ITCH: variants seen among roughly 807,000 people sequenced by gnomAD.
ITCH encodes the protein itchy E3 ubiquitin protein ligase, also known as E3 ubiquitin-protein ligase Itchy homolog.
A neutral mutation model predicts 126.8 loss-of-function variants in ITCH; 28 were observed. That is an observed-to-expected ratio of 0.22 (90% confidence interval 0.16 to 0.30). The LOEUF (loss-of-function observed/expected upper bound fraction) is 0.30, where lower values mean the gene tolerates loss of function less well. ITCH is among the 10% of genes least tolerant of loss of function. ITCH has a pLI of 1.00. For synonymous variants in ITCH, 342 were observed against 340.0 expected, an observed-to-expected ratio of 1.01 and a Z score of -0.06; for missense variants, 631 against 1,032.4, an observed-to-expected ratio of 0.61 and a Z score of 5.33.
intron 23 of ITCH, among the ~76,000 whole-genome samples, chr20:34,501,546 C>T (rs1030621856): frequency 1.2e-4 from 18 of 152,054 alleles, no homozygotes; most frequent in East Asian, 1.9e-4. Context: ...GAGGCTGAGG[C>T]GGGCGGATCA....
chr20:34,408,017 C>A (rs1422708533), intron 3 of ITCH, among the ~76,000 whole-genome samples: 1 of 152,144 alleles, frequency 6.6e-6, no homozygotes, highest in African/African-American at 2.4e-5. Context: ...TCTTAAACAC[C>A]TAGGCTCAAG....
In ITCH at chr20:34,438,615, C is replaced by T; in HGVS notation, c.663C>T (p.Pro221=). 1.9e-6 allele frequency: 3 copies of T among 1,613,980 alleles called. No homozygotes were observed. Among genetic ancestry groups the T allele is most frequent in the Non-Finnish European group, 2.5e-6 (3 of 1,180,008 alleles). The stretch of plus-strand genomic sequence containing the variant: ...CAAGACCTTCACGACCACCACCACC[C>T]ACCCCACGTAGACCAGGTTTGTATT... ...RPPRPSRPPP[P]TPRRPASVNG... is the part of the protein sequence containing the mutation. Residue 221 remains proline (P), a synonymous_variant, in exon 8 of 25, where the codon CCC becomes CCT. Coordinates refer to ENST00000374864, the MANE Select transcript of ITCH (RefSeq NM_031483.7).
intron 2 of ITCH, among the ~76,000 whole-genome samples, chr20:34,385,020 ATTTTT>A (rs972288487): frequency 7.2e-6 from 1 of 137,970 alleles, no homozygotes; most frequent in East Asian, 2.2e-4. Context: ...AAACAAGAAA[ATTTTT>A]TTTTTTTAAG....
Position 34,440,202 on chromosome 20 carries a change from A to G in ITCH, c.727A>G (p.Ser243Gly), listed in dbSNP as rs372508275. The G allele has an allele frequency of 4.2e-5, 67 of 1,613,712 alleles. No individual in the cohort carries two copies. The highest frequency in any genetic ancestry group is 5.7e-5 in the Non-Finnish European group (67 of 1,179,698). Residue 243 changes from serine (S) to glycine (G), a missense_variant, in exon 9 of 25, where the codon AGT becomes GGT. Ser to Gly is a moderately conservative substitution (Grantham distance 56). Around this residue, in one of 4 missense-constraint regions of ITCH, gnomAD observed 220 missense variants for 265.7 expected, o/e 0.83. Coordinates refer to ENST00000374864, the MANE Select transcript of ITCH (RefSeq NM_031483.7). ...TGCCACTTCTGAAAGTGATGGGTCTAGTACAGGCTCTCTGCCGCCGACAAA... is the reference window on the plus strand; with the variant it reads ...TGCCACTTCTGAAAGTGATGGGTCTGGTACAGGCTCTCTGCCGCCGACAAA... ...PSATSESDGS[S>G]TGSLPPTNTN...
intron 20 of ITCH, among the ~76,000 whole-genome samples, chr20:34,487,123 T>C (rs1445430356): frequency 6.7e-6 from 1 of 149,880 alleles, no homozygotes; most frequent in Admixed American, 6.7e-5. Context: ...GTCATTCTCC[T>C]GCCTCAGCCT....
At chr20:34,364,319 G>A (rs12624640) in intron 1 of ITCH, among the ~76,000 whole-genome samples, 47,134 of 151,946 alleles carry the variant, frequency 0.31, 9,140 homozygotes, top group Non-Finnish European at 0.43. Flanking sequence ...CAGTATACTT[G>A]GTTTGGAGTG....
chr20:34,440,137 TC>T lies in ITCH; in HGVS notation c.680-14del, dbSNP rs1167193916. 5.7e-6 allele frequency: 9 copies of T among 1,575,116 alleles called. No homozygotes were observed. Among genetic ancestry groups the T allele is most frequent in the Non-Finnish European group, 2.6e-6 (3 of 1,144,900 alleles). On this transcript the variant is annotated splice_polypyrimidine_tract_variant and intron_variant, in intron 8 of 24. Transcript: ENST00000374864. The stretch of plus-strand genomic sequence containing the variant: ...AAAATGAAAGATTCTTTTCCTATTT[TC>T]CCCAAATCTTTTATAGCATCTGTCA...
intron 7 of ITCH, among the ~76,000 whole-genome samples, chr20:34,433,913 T>A (rs1982668035): frequency 6.6e-6 from 1 of 152,098 alleles, no homozygotes; most frequent in Non-Finnish European, 1.5e-5. Flanking sequence ...ATCTCCAGGA[T>A]GTAGGATGGC....
intron 7 of ITCH, among the ~76,000 whole-genome samples, chr20:34,430,536 C>T (rs980025094): frequency 4.6e-5 from 7 of 152,098 alleles, no homozygotes; most frequent in African/African-American, 7.2e-5. Flanking sequence ...TGCAGTGACG[C>T]GATCTCGGCT....
intron 3 of ITCH, among the ~76,000 whole-genome samples, chr20:34,407,988 G>T (rs1003887511): frequency 6.6e-6 from 1 of 152,104 alleles, no homozygotes. Flanking sequence ...ATATGGTCTC[G>T]CTGTGCTGCC....
At position 34,396,176 on chromosome 20, in the gene ITCH, G is replaced by A. The variant is rs189019727; in HGVS notation, c.70+2295G>A. ...AGTCTTCTGAGTAGCTGGGACTACC[G>A]GCACGCACAACCATGTGTAGCTAAT... On this transcript the variant is annotated intron_variant, in intron 3 of 24. Transcript: ENST00000374864. Among the ~76,000 whole-genome samples, 9 of 151,858 alleles carry A rather than the reference G, an allele frequency of 5.9e-5. No individual in the cohort carries two copies. In the East Asian group the frequency reaches 1.7e-3, roughly 29 times the overall value.
chr20:34,414,892 AT>A (rs2146180346), intron 6 of ITCH, among the ~76,000 whole-genome samples: 1 of 152,324 alleles, frequency 6.6e-6, no homozygotes, highest in African/African-American at 2.4e-5. Flanking sequence ...GACAATACTA[AT>A]TCATTATATG....
At chr20:34,505,891 A>T (rs1337222136) in intron 24 of ITCH, among the ~76,000 whole-genome samples, 1 of 152,144 alleles carries the variant, frequency 6.6e-6, no homozygotes, top group Admixed American at 6.5e-5. Flanking sequence ...TCTTTTACTT[A>T]GCATGTTTTC....
chr20:34,470,061 CAGAT>C lies in ITCH; in HGVS notation c.1441_1444del (p.Ile481ProfsTer26). 6.2e-7 allele frequency: 1 copy of C among 1,613,728 alleles called. No individual in the cohort carries two copies. Among genetic ancestry groups the C allele is most frequent in the Non-Finnish European group, 8.5e-7 (1 of 1,179,650 alleles). ...GTTCTTCCTCAGAGACAATGGACCTCAGATAGCCTATGTTCGGGACTTCAAAGCA... is the reference window on the plus strand; with the variant it reads ...GTTCTTCCTCAGAGACAATGGACCTCAGCCTATGTTCGGGACTTCAAAGCA... On this transcript the variant is annotated frameshift_variant, in exon 15 of 25. Transcript: ENST00000374864. LOFTEE classifies it high-confidence loss of function.
chr20:34,428,936 C>A (rs1419997520), intron 7 of ITCH, among the ~76,000 whole-genome samples: 1 of 152,006 alleles, frequency 6.6e-6, no homozygotes, highest in Non-Finnish European at 1.5e-5. Flanking sequence ...AATTGCTTTT[C>A]TTTTTTTACT....
chr20:34,391,517 A>G (rs933757144), intron 2 of ITCH, among the ~76,000 whole-genome samples: 14 of 152,218 alleles, frequency 9.2e-5, no homozygotes, highest in Non-Finnish European at 1.8e-4. Context: ...TGATACCTGC[A>G]TAGTAATCTG....
chr20:34,456,172 GTGTGTGTGTGTGTATATATATATA>G (rs1275323792), intron 12 of ITCH, among the ~76,000 whole-genome samples: 3 of 34,314 alleles, frequency 8.7e-5, no homozygotes, highest in African/African-American at 2.4e-4. Flanking sequence ...GTGTGTGTGT[GTGTGTGTGTGTGTATATATATATA>G]TATATATATA....
At position 34,413,790 on chromosome 20, in the gene ITCH, C is replaced by G; in HGVS notation, c.386C>G (p.Thr129Arg). The G allele has an allele frequency of 6.2e-7, 1 of 1,613,062 alleles. No homozygotes were observed. Among genetic ancestry groups the G allele is most frequent in the Non-Finnish European group, 8.5e-7 (1 of 1,179,264 alleles). ...CAGCTTGGAGGTGACAAAGAGCCAACAGAGACAATAGGAGACTTGTCAATT... is the reference window on the plus strand; with the variant it reads ...CAGCTTGGAGGTGACAAAGAGCCAAGAGAGACAATAGGAGACTTGTCAATT... ...TLQLGGDKEP[T>R]ETIGDLSICL... Residue 129 changes from threonine (T) to arginine (R), a missense_variant, in exon 6 of 25, where the codon ACA (threonine) becomes AGA (arginine). This residue lies in a region of ITCH where 220 missense variants were observed against 265.7 expected (regional missense o/e 0.83). Coordinates refer to ENST00000374864, the MANE Select transcript of ITCH (RefSeq NM_031483.7).
chr20:34,477,713 G>A (rs1040696603), intron 16 of ITCH, 59 bp from the exon 17 acceptor site: 4 of 1,487,980 alleles, frequency 2.7e-6, no homozygotes, highest in African/African-American at 1.4e-5. Context: ...AAACCTAGAA[G>A]TGGTAGACAG....
Sources: allele counts gnomAD v4.1 joint callset (sites outside exome capture counted in the v4.1 genomes callset), GRCh38; gene constraint gnomAD v4.1.1; regional missense constraint gnomAD v4.1.1; transcripts MANE v1.5; gene names NCBI Gene and HGNC (gene_info 2026-07-23, HGNC 2026-07-21).